Variants in CYB5R2 observed in about 807,000 individuals in gnomAD.
CYB5R2 encodes the protein NADH-cytochrome b5 reductase 2.
A neutral mutation model predicts 29.8 loss-of-function variants in CYB5R2; 35 were observed. That is an observed-to-expected ratio of 1.17 (90% confidence interval 0.90 to 1.56). The LOEUF (loss-of-function observed/expected upper bound fraction) is 1.56, where lower values mean the gene tolerates loss of function less well. Among genes scored for constraint, CYB5R2 ranks in the 40% most tolerant of loss-of-function variants. CYB5R2 has a pLI of 0.00. For synonymous variants in CYB5R2, 169 were observed against 130.6 expected, an observed-to-expected ratio of 1.29 and a Z score of -2.01; for missense variants, 419 against 346.7, an observed-to-expected ratio of 1.21 and a Z score of -1.66.
Position 7,666,631 on chromosome 11 carries a change from C to G in CYB5R2, c.559-81G>C, listed in dbSNP as rs563384785. On this transcript the variant is annotated intron_variant, in intron 7 of 8. Transcript: ENST00000299498. The stretch of plus-strand genomic sequence containing the variant: ...GACTGACTACACCGGTCAGCATACT[C>G]CTGGCCAAAGCTGCCACCACTCCAG... 2.0e-5 allele frequency: 20 copies of G among 1,010,476 alleles called. No individual in the cohort carries two copies. In the East Asian group the frequency reaches 4.1e-4, roughly 21 times the overall value. 62.6% of individuals were successfully genotyped at this position (1,010,476 alleles called of 1,614,324 possible). A position where few individuals can be genotyped will look rare whatever the true frequency, so the allele number is the denominator to read the frequency against.
intron 1 of CYB5R2, 113 bp from the exon 2 acceptor site, chr11:7,673,004 T>C: frequency 9.5e-7 from 1 of 1,048,110 alleles, no homozygotes; most frequent in Non-Finnish European, 1.4e-6. Context: ...GAGCTCTGCC[T>C]GCAGGAAATA....
rs1855399077 is a variant in CYB5R2 at position 7,667,724 on chromosome 11, T to G, written c.558+4A>C. The stretch of plus-strand genomic sequence containing the variant: ...CTACCACTGCAAGCTCAGCAGGAAC[T>G]GACCTGGTTGGCAAAGATGAGGGAC... On this transcript the variant is annotated splice_donor_region_variant and intron_variant, in intron 7 of 8. Coordinates refer to ENST00000299498, the MANE Select transcript of CYB5R2 (RefSeq NM_016229.5). 2 of 1,612,850 alleles carry G rather than the reference T, an allele frequency of 1.2e-6. No homozygotes were observed. Among genetic ancestry groups the G allele is most frequent in the Admixed American group, 1.7e-5 (1 of 60,032 alleles).
At chr11:7,673,082 G>T (rs1279001108) in intron 1 of CYB5R2, 191 bp from the exon 2 acceptor site, 1 of 539,720 alleles carries the variant, frequency 1.9e-6, no homozygotes, top group Non-Finnish European at 3.2e-6. Flanking sequence ...GGGTAGGGAG[G>T]GGTCAGCTGC....
In CYB5R2 at chr11:7,667,788, A is replaced by C. The variant is rs1855405656; in HGVS notation, c.498T>G (p.Ile166Met). 1.7e-5 allele frequency: 27 copies of C among 1,614,162 alleles called. No individual in the cohort carries two copies. The highest frequency in any genetic ancestry group is 2.2e-5 in the Non-Finnish European group (26 of 1,180,018). The change falls in exon 7 of 9, where the codon ATT (isoleucine) becomes ATG (methionine). Residue 166 changes from isoleucine (I) to methionine (M), a missense_variant. Coordinates refer to ENST00000299498, the MANE Select transcript of CYB5R2 (RefSeq NM_016229.5). ...CACTGGGGTCCTTGGTGATGTGGCG[A>C]ATGAGCTGCAACATGGGTGTGATGC... The part of the protein sequence containing the change: ...GTGITPMLQL[I>M]RHITKDPSDR...
At chr11:7,674,132 G>A, upstream of CYB5R2, 1 of 1,217,738 alleles carries the variant, frequency 8.2e-7, no homozygotes, top group Non-Finnish European at 1.0e-6. Flanking sequence ...CAAGGCTGGA[G>A]AAGGCCGTCT....
intron 6 of CYB5R2, 83 bp downstream of exon 6, chr11:7,668,395 G>T: frequency 9.4e-7 from 1 of 1,060,832 alleles, no homozygotes; most frequent in Non-Finnish European, 1.5e-6. Context: ...CTCTCATGTT[G>T]TCCCTTAGAG....
chr11:7,665,269 C>A lies in CYB5R2; in HGVS notation c.*105G>T. On this transcript the variant is annotated 3_prime_UTR_variant, in exon 9 of 9. Coordinates refer to ENST00000299498, the MANE Select transcript of CYB5R2 (RefSeq NM_016229.5). ...GAGAACCAGTGTGTGCGCGAAGGTA[C>A]ATGGCAAGGCACTTTTGAAAACATC... 1 of 1,023,608 alleles carries A rather than the reference C, an allele frequency of 9.8e-7. No individual in the cohort carries two copies. The highest frequency in any genetic ancestry group is 1.4e-6 in the Non-Finnish European group (1 of 712,088). 63.4% of individuals were successfully genotyped at this position (1,023,608 alleles called of 1,614,324 possible). A position where few individuals can be genotyped will look rare whatever the true frequency, so the allele number is the denominator to read the frequency against.
chr11:7,668,690 G>A (rs144470197), intron 5 of CYB5R2, 129 bp from the exon 6 acceptor site: 10 of 794,890 alleles, frequency 1.3e-5, no homozygotes, highest in African/African-American at 1.0e-4. Flanking sequence ...ATTTTAAGCT[G>A]GAGAAGCAGG....
At position 7,665,969 on chromosome 11, in the gene CYB5R2, AGT is replaced by A. The variant is rs1171083235; in HGVS notation, c.659-425_659-424del. On this transcript the variant is annotated intron_variant, in intron 8 of 8. Transcript: ENST00000299498. ...ATGACAAGCAGGTACAGCCGGGAGC[AGT>A]GTGAGAGGCGCGCCTGTGGGGTGCT... The A allele has an allele frequency of 2.0e-6, 3 of 1,496,624 alleles. No homozygotes were observed. The South Asian group carries it at 3.6e-5, about 18-fold the overall frequency. The allele number at this position is 1,496,624 out of a possible 1,614,324, so 92.7% of individuals were successfully genotyped here.
At chr11:7,668,965 G>A (rs982338076) in intron 5 of CYB5R2, 23 of 661,056 alleles carry the variant, frequency 3.5e-5, no homozygotes, top group African/African-American at 1.1e-4. Context: ...GCATTGTGCT[G>A]GAGATTTTGA....
chr11:7,665,836 T>A, intron 8 of CYB5R2: 1 of 1,535,010 alleles, frequency 6.5e-7, no homozygotes, highest in South Asian at 1.2e-5. Flanking sequence ...CCGAGGTGTG[T>A]GAATCAGTAC....
Position 7,665,370 on chromosome 11 carries a change from G to GAT in CYB5R2, c.*3_*4insAT. 1 of 1,495,574 alleles carries GAT rather than the reference G, an allele frequency of 6.7e-7. No homozygotes were observed. Among genetic ancestry groups the GAT allele is most frequent in the African/African-American group, 1.5e-5 (1 of 65,114 alleles). The allele number at this position is 1,495,574 out of a possible 1,614,324, so 92.6% of individuals were successfully genotyped here. ...CATGCAAAATTGCTGAGCACGTGGA[G>GAT]GTGTTAGTAGGTGAAAATCATGTCC... On this transcript the variant is annotated 3_prime_UTR_variant, in exon 9 of 9. Transcript: ENST00000299498.
At chr11:7,674,170 G>C (rs7482385), upstream of CYB5R2, 1 of 1,239,800 alleles carries the variant, frequency 8.1e-7, no homozygotes, top group Admixed American at 2.5e-5. Context: ...GGGATGCTGG[G>C]GAAGGAAGAA....
At position 7,673,419 on chromosome 11, in the gene CYB5R2, C is replaced by G. The variant is rs911457838; in HGVS notation, c.-67G>C. On this transcript the variant is annotated splice_region_variant and 5_prime_UTR_variant, in exon 1 of 9. Coordinates refer to ENST00000299498, the MANE Select transcript of CYB5R2 (RefSeq NM_016229.5). Reference sequence around the variant, plus strand: ...GGAGCCTCCCCGCATCTGTCCCTACCCTACAAGGCCGCCCTGCTCCTCTCC... The same window carrying G: ...GGAGCCTCCCCGCATCTGTCCCTACGCTACAAGGCCGCCCTGCTCCTCTCC... The G allele has an allele frequency of 5.0e-6, 5 of 991,266 alleles. No individual in the cohort carries two copies. The East Asian group carries it at 4.4e-4, about 88-fold the overall frequency. 61.4% of individuals were successfully genotyped at this position (991,266 alleles called of 1,614,324 possible).
At chr11:7,671,703 T>G (rs1304947247) in intron 3 of CYB5R2, 1 of 152,050 alleles carries the variant, frequency 6.6e-6, no homozygotes, top group African/African-American at 2.4e-5. Flanking sequence ...GGCCACGGAG[T>G]AGGATCCACC....
intron 8 of CYB5R2, chr11:7,665,780 T>C: frequency 6.9e-7 from 1 of 1,447,206 alleles, no homozygotes; most frequent in Non-Finnish European, 9.3e-7. Flanking sequence ...TGCTGCTGTC[T>C]GTCAGCTGTC....
rs938986116 is a variant in CYB5R2, at chr11:7,665,547, C to G, written c.659-1G>C. 6.3e-7 allele frequency: 1 copy of G among 1,599,000 alleles called. No individual in the cohort carries two copies. Among genetic ancestry groups the G allele is most frequent in the African/African-American group, 1.3e-5 (1 of 74,316 alleles). ...ACGAAGCCTGAGCTGTACTTCCAGC[C>G]TGAAATGAAGGAGATGCAGGAGCAA... On this transcript the variant is annotated splice_acceptor_variant, in intron 8 of 8. Coordinates refer to ENST00000299498, the MANE Select transcript of CYB5R2 (RefSeq NM_016229.5). LOFTEE classifies it high-confidence loss of function.
chr11:7,674,203 G>A (rs1319919548), upstream of CYB5R2: 2 of 1,269,342 alleles, frequency 1.6e-6, no homozygotes, highest in South Asian at 1.3e-5. Context: ...CAAAGAGCGC[G>A]CGAATATATT....
chr11:7,668,677 A>T, intron 5 of CYB5R2, 116 bp from the exon 6 acceptor site: 1 of 871,022 alleles, frequency 1.1e-6, no homozygotes, highest in South Asian at 1.3e-5. Context: ...GACTGTCTGC[A>T]CCATTTTAAG....
Sources: allele counts gnomAD v4.1 joint callset, GRCh38; gene constraint gnomAD v4.1.1; transcripts MANE v1.5; gene names NCBI Gene and HGNC (gene_info 2026-07-23, HGNC 2026-07-21).